Variants in ARSB observed in about 807,000 individuals in gnomAD.
ARSB encodes the protein N-acetylgalactosamine-4-sulfatase.
ARSB carries 41 observed loss-of-function variants against 50.9 expected under a neutral mutation model. The observed-to-expected ratio is 0.81, with a 90% CI of 0.63 to 1.04. ARSB has a LOEUF of 1.04. ARSB is among the 50% of genes least tolerant of loss of function. The pLI is 0.00. For synonymous variants in ARSB, 269 were observed against 284.8 expected, an observed-to-expected ratio of 0.94 and a Z score of 0.56; for missense variants, 672 against 693.3, an observed-to-expected ratio of 0.97 and a Z score of 0.35.
chr5:78,836,830 G>A (rs1293749622), intron 6 of ARSB, among the ~76,000 whole-genome samples: 1 of 152,156 alleles, frequency 6.6e-6, no homozygotes, highest in African/African-American at 2.4e-5. Context: ...GGTTCCACAG[G>A]CTGTACAGGA....
intron 4 of ARSB, among the ~76,000 whole-genome samples, chr5:78,886,290 G>A (rs1207064882): frequency 6.6e-6 from 1 of 151,654 alleles, no homozygotes; most frequent in African/African-American, 2.4e-5. Context: ...TTTCCTCTTG[G>A]AAAAAAAATT....
upstream of ARSB, chr5:78,985,432 TG>T (rs1424666742): frequency 4.3e-6 from 2 of 469,954 alleles, no homozygotes; most frequent in Non-Finnish European, 3.2e-6. Context: ...CCGGCTGCTG[TG>T]GCGGAGGAGG....
chr5:78,920,781 G>A (rs370158330), intron 4 of ARSB, among the ~76,000 whole-genome samples: 2 of 152,122 alleles, frequency 1.3e-5, no homozygotes, highest in East Asian at 3.9e-4. Context: ...AGAACCTCTG[G>A]CTCACATTGA....
intron 6 of ARSB, among the ~76,000 whole-genome samples, chr5:78,807,900 C>T (rs950363729): frequency 5.3e-5 from 8 of 151,236 alleles, no homozygotes; most frequent in South Asian, 2.1e-4. Flanking sequence ...GAGACCATCC[C>T]GGCTAAAACG....
At chr5:78,794,067 T>C (rs114343426) in intron 6 of ARSB, among the ~76,000 whole-genome samples, 1,709 of 152,180 alleles carry the variant, frequency 0.011, 32 homozygotes, top group Non-Finnish European at 0.013. Flanking sequence ...GCTGCAACCT[T>C]AACTTGAGCA....
intron 1 of ARSB, among the ~76,000 whole-genome samples, chr5:78,978,067 GGT>G (rs1752741092): frequency 6.6e-6 from 1 of 152,190 alleles, no homozygotes. Context: ...GGCTGGGTGT[GGT>G]GGCTCACGTC....
At chr5:78,937,364 T>TATATATGTAAGATATATATATC (rs1561512613) in intron 4 of ARSB, among the ~76,000 whole-genome samples, 21 of 56,324 alleles carry the variant, frequency 3.7e-4, no homozygotes, top group African/African-American at 5.1e-4. Flanking sequence ...ATATGTAAGA[T>TATATATGTAAGATATATATATC]ATATATATGT....
intron 1 of ARSB, among the ~76,000 whole-genome samples, chr5:78,972,544 C>CACACACACACACA (rs1554088554): frequency 2.7e-5 from 4 of 147,514 alleles, no homozygotes; most frequent in Non-Finnish European, 4.4e-5. Flanking sequence ...CACACACACA[C>CACACACACACACA]CCCAAATCAA....
intron 5 of ARSB, chr5:78,883,171 T>C (rs1032607573): frequency 2.6e-5 from 4 of 152,074 alleles, no homozygotes; most frequent in African/African-American, 7.2e-5. Context: ...ATTTAACATA[T>C]CAAGTTTAGA....
At position 78,940,313 on chromosome 5, in the gene ARSB, T is replaced by C. The variant is rs573054884; in HGVS notation, c.898+14982A>G. Among the ~76,000 whole-genome samples, 3 of 152,342 alleles carry C rather than the reference T, an allele frequency of 2.0e-5. No individual in the cohort carries two copies. In the South Asian group the frequency reaches 6.2e-4, roughly 32 times the overall value. ...AGATCCCATTTGTCTATTTTGGCTT[T>C]TGCTGCCATTGCTTTTGGTGTTTTA... On this transcript the variant is annotated intron_variant, in intron 4 of 7. Transcript: ENST00000264914.
chr5:78,908,855 G>C (rs922514917), intron 4 of ARSB, among the ~76,000 whole-genome samples: 32 of 151,984 alleles, frequency 2.1e-4, no homozygotes, highest in Admixed American at 4.6e-4. Context: ...AGGATGGTTG[G>C]GTTTTTAACT....
intron 4 of ARSB, among the ~76,000 whole-genome samples, chr5:78,917,407 G>C (rs1425357028): frequency 6.6e-6 from 1 of 152,006 alleles, no homozygotes; most frequent in East Asian, 1.9e-4. Flanking sequence ...TTATCTGATA[G>C]GATACATGCC....
intron 1 of ARSB, among the ~76,000 whole-genome samples, chr5:78,970,866 T>C (rs975962422): frequency 5.9e-5 from 9 of 151,654 alleles, no homozygotes; most frequent in Non-Finnish European, 1.0e-4. Context: ...GAGACTGAGG[T>C]GGGAGGATCA....
intron 5 of ARSB, among the ~76,000 whole-genome samples, chr5:78,860,261 T>C (rs963205078): frequency 6.6e-6 from 1 of 152,164 alleles, no homozygotes; most frequent in East Asian, 1.9e-4. Context: ...GGAGTCTAAG[T>C]CTCTTTGTAG....
chr5:78,913,857 A>T (rs371710886), intron 4 of ARSB, among the ~76,000 whole-genome samples: 12 of 152,210 alleles, frequency 7.9e-5, no homozygotes, highest in Admixed American at 5.9e-4. Flanking sequence ...GTTTTTAAAA[A>T]AATTTTTAGT....
intron 5 of ARSB, among the ~76,000 whole-genome samples, chr5:78,869,697 C>G (rs925203470): frequency 6.7e-6 from 1 of 149,994 alleles, no homozygotes; most frequent in African/African-American, 2.4e-5. Context: ...ACTAAATGCC[C>G]ACAAGAGAAA....
At chr5:78,968,927 T>G (rs1752325812) in intron 2 of ARSB, 79 bp downstream of exon 2, 1 of 1,499,664 alleles carries the variant, frequency 6.7e-7, no homozygotes, top group African/African-American at 1.4e-5. Flanking sequence ...AGTTCTTTCA[T>G]TTGATTGCAC....
chr5:78,910,980 G>A (rs1046196299), intron 4 of ARSB, among the ~76,000 whole-genome samples: 6 of 152,152 alleles, frequency 3.9e-5, no homozygotes, highest in African/African-American at 1.4e-4. Context: ...ATAAAGTCAA[G>A]TGATCTTACT....
intron 6 of ARSB, among the ~76,000 whole-genome samples, chr5:78,811,137 T>C (rs892385572): frequency 5.9e-5 from 9 of 152,206 alleles, no homozygotes; most frequent in Admixed American, 2.0e-4. Context: ...TATCATCATG[T>C]TAGGTTTCAT....
Sources: allele counts gnomAD v4.1 joint callset (sites outside exome capture counted in the v4.1 genomes callset), GRCh38; gene constraint gnomAD v4.1.1; transcripts MANE v1.5; gene names NCBI Gene and HGNC (gene_info 2026-07-23, HGNC 2026-07-21).